Variants in EYA4 observed in about 807,000 individuals in gnomAD.
EYA4 encodes EYA transcriptional coactivator and phosphatase 4.
EYA4 carries 31 observed loss-of-function variants against 87.9 expected under a neutral mutation model. The ratio of observed to expected loss-of-function variants is 0.35; its 90% CI spans 0.27 to 0.48. EYA4 has a LOEUF of 0.48. Among genes scored for constraint, EYA4 ranks in the 20% least tolerant of loss-of-function variants. The probability of loss-of-function intolerance (pLI) is 0.99; values close to 1 mark genes in which losing one functional copy is unlikely to be tolerated. For missense variants in EYA4, 678 were observed against 761.4 expected, an observed-to-expected ratio of 0.89 and a Z score of 1.29; for synonymous variants, 263 against 270.6, an observed-to-expected ratio of 0.97 and a Z score of 0.28.
At chr6:133,422,201 A>G (rs1583233610) in intron 3 of EYA4, among the ~76,000 whole-genome samples, 1 of 152,294 alleles carries the variant, frequency 6.6e-6, no homozygotes, top group Admixed American at 6.5e-5. Flanking sequence ...GAGGGTCTCT[A>G]TACTCCTCTG....
chr6:133,275,522 G>A (rs1172678987), intron 2 of EYA4, among the ~76,000 whole-genome samples: 1 of 151,104 alleles, frequency 6.6e-6, no homozygotes, highest in Non-Finnish European at 1.5e-5. Flanking sequence ...TACTGAGAGT[G>A]TGTTCTGCAG....
intron 2 of EYA4, among the ~76,000 whole-genome samples, chr6:133,312,887 A>G (rs1348417083): frequency 6.6e-6 from 1 of 151,650 alleles, no homozygotes; most frequent in African/African-American, 2.4e-5. Flanking sequence ...CTTTCAGAAT[A>G]GGACTTTCTT....
intron 2 of EYA4, among the ~76,000 whole-genome samples, chr6:133,368,854 C>T (rs984917449): frequency 6.6e-5 from 10 of 152,170 alleles, no homozygotes; most frequent in Admixed American, 5.9e-4. Flanking sequence ...GCCATTGGGG[C>T]GTCTGTGTGC....
chr6:133,375,558 C>T (rs964388814), intron 2 of EYA4, among the ~76,000 whole-genome samples: 2 of 151,644 alleles, frequency 1.3e-5, no homozygotes, highest in Admixed American at 6.6e-5. Context: ...TATTTTAATT[C>T]ATATGTATTA....
chr6:133,349,883 A>G (rs531863055), intron 2 of EYA4, among the ~76,000 whole-genome samples: 1 of 152,140 alleles, frequency 6.6e-6, no homozygotes, highest in Non-Finnish European at 1.5e-5. Flanking sequence ...GCAAGATTCA[A>G]CTTGTGGACT....
In EYA4 at chr6:133,441,578, A is replaced by G. The variant is rs142647031; in HGVS notation, c.84-5052A>G. Among the ~76,000 whole-genome samples, 599 of 152,296 alleles carry G rather than the reference A, an allele frequency of 3.9e-3. 3 individuals are homozygous for G. The highest frequency in any genetic ancestry group is 0.013 in the African/African-American group (552 of 41,574). ...GCCCCTGCTGCCGTGTCTTTCCCCT[A>G]TTGGCTATGGTGAGATGGCTAAACT... On this transcript the variant is annotated intron_variant, in intron 3 of 19. Coordinates refer to ENST00000355286, the MANE Select transcript of EYA4 (RefSeq NM_004100.5).
chr6:133,271,440 G>T (rs1210974978), intron 1 of EYA4, among the ~76,000 whole-genome samples: 1 of 152,184 alleles, frequency 6.6e-6, no homozygotes, highest in Non-Finnish European at 1.5e-5. Context: ...AAGGCATTCC[G>T]TGAGTCCGTG....
In EYA4 at chr6:133,441,940, T is replaced by A. The variant is rs191977412; in HGVS notation, c.84-4690T>A. Among the ~76,000 whole-genome samples the A allele has an allele frequency of 1.4e-4, 21 of 152,064 alleles. No individual in the cohort carries two copies. The South Asian group carries it at 1.5e-3, about 11-fold the overall frequency. Reference sequence around the variant, plus strand: ...CTCATATCTAACAATACATATATTTTTATATATATGTTATATACATATATG... The same window carrying A: ...CTCATATCTAACAATACATATATTTATATATATATGTTATATACATATATG... On this transcript the variant is annotated intron_variant, in intron 3 of 19. Transcript: ENST00000355286.
At chr6:133,448,230 C>T in intron 5 of EYA4, 51 bp downstream of exon 5, 1 of 1,311,490 alleles carries the variant, frequency 7.6e-7, no homozygotes, top group Non-Finnish European at 1.1e-6. Flanking sequence ...GGATTTGCCC[C>T]TCTGGATTGC....
Position 133,436,705 on chromosome 6 carries a change from G to A in EYA4, c.84-9925G>A, listed in dbSNP as rs1400469753. The stretch of plus-strand genomic sequence containing the variant: ...TCAAATGCAAATTTGCTATTTTGGT[G>A]GACTCTTGAGAATGTGGGAAATAGA... On this transcript the variant is annotated intron_variant, in intron 3 of 19. Coordinates refer to ENST00000355286, the MANE Select transcript of EYA4 (RefSeq NM_004100.5). Among the ~76,000 whole-genome samples the A allele has an allele frequency of 2.0e-5, 3 of 152,148 alleles. No homozygotes were observed. In the East Asian group the frequency reaches 5.8e-4, roughly 29 times the overall value.
At chr6:133,520,271 A>T (rs1170803722) in intron 17 of EYA4, among the ~76,000 whole-genome samples, 1 of 146,156 alleles carries the variant, frequency 6.8e-6, no homozygotes, top group Non-Finnish European at 1.5e-5. Flanking sequence ...TAAGCTGATA[A>T]GCAACTTCAG....
chr6:133,387,786 C>T (rs779287072), intron 3 of EYA4, among the ~76,000 whole-genome samples: 81 of 152,226 alleles, frequency 5.3e-4, no homozygotes, highest in Middle Eastern at 3.4e-3. Context: ...TCTTTTTCTT[C>T]CCAATTTGGA....
chr6:133,267,455 A>G (rs1484459494), intron 1 of EYA4, among the ~76,000 whole-genome samples: 1 of 151,498 alleles, frequency 6.6e-6, no homozygotes, highest in Non-Finnish European at 1.5e-5. Flanking sequence ...TGATCTTGGC[A>G]CACTGCAACC....
chr6:133,474,489 AG>A (rs1795552088), intron 11 of EYA4, among the ~76,000 whole-genome samples: 1 of 152,118 alleles, frequency 6.6e-6, no homozygotes, highest in Non-Finnish European at 1.5e-5. Context: ...CAATTTCATC[AG>A]GCCTTCATTG....
intron 2 of EYA4, among the ~76,000 whole-genome samples, chr6:133,294,062 T>TATATATATATATATATATAA (rs71003632): frequency 1.2e-4 from 13 of 105,152 alleles, no homozygotes; most frequent in African/African-American, 2.4e-4. Context: ...TATATATATA[T>TATATATATATATATATATAA]AATTCTATTC....
At chr6:133,498,432 A>G (rs1288345013) in intron 13 of EYA4, among the ~76,000 whole-genome samples, 1 of 152,236 alleles carries the variant, frequency 6.6e-6, no homozygotes, top group Non-Finnish European at 1.5e-5. Flanking sequence ...AAAACTCACC[A>G]CAGAATAAAC....
chr6:133,485,648 G>A lies in EYA4; in HGVS notation c.1191+2533G>A, dbSNP rs142605628. On this transcript the variant is annotated intron_variant, in intron 13 of 19. Coordinates refer to ENST00000355286, the MANE Select transcript of EYA4 (RefSeq NM_004100.5). ...AAACAGGAGTAAAGACAATTAGTGA[G>A]GTACTGCATAGGCAGTTGGGTGAGT... is the stretch of plus-strand genomic sequence containing the variant. Among the ~76,000 whole-genome samples the A allele has an allele frequency of 1.6e-3, 241 of 152,278 alleles. 1 individual carries two copies. Among genetic ancestry groups the A allele is most frequent in the African/African-American group, 5.6e-3 (233 of 41,562 alleles).
intron 13 of EYA4, among the ~76,000 whole-genome samples, chr6:133,495,035 G>C (rs1031260834): frequency 6.6e-6 from 1 of 152,076 alleles, no homozygotes; most frequent in African/African-American, 2.4e-5. Flanking sequence ...TTGGGAGGCC[G>C]AAGTGGGCAG....
chr6:133,453,823 C>T (rs572112367), intron 5 of EYA4, among the ~76,000 whole-genome samples: 3 of 152,200 alleles, frequency 2.0e-5, no homozygotes, highest in African/African-American at 4.8e-5. Flanking sequence ...TTGCTTGTTA[C>T]TCCTCTCTTC....
Sources: gnomAD v4.1 joint callset for allele counts (sites outside exome capture counted in the v4.1 genomes callset) on GRCh38, gnomAD v4.1.1 for gene constraint, MANE v1.5 for transcripts, NCBI Gene and HGNC (gene_info 2026-07-23, HGNC 2026-07-21) for gene names.